The following TLK1 variants were observed in gnomAD, a reference collection of about 807,000 sequenced individuals.
The protein encoded by TLK1 is tousled like kinase 1, also known as serine/threonine-protein kinase tousled-like 1.
TLK1 carries 24 observed loss-of-function variants against 105.3 expected under a neutral mutation model. The observed-to-expected ratio is 0.23, with a 90% CI of 0.17 to 0.32. TLK1 has a LOEUF of 0.32. Ranked by LOEUF, TLK1 falls within the 10% of genes least tolerant of loss-of-function variation. The probability of loss-of-function intolerance (pLI) is 1.00; values close to 1 mark genes in which losing one functional copy is unlikely to be tolerated. For missense variants in TLK1, 558 were observed against 910.5 expected, an observed-to-expected ratio of 0.61 and a Z score of 4.98; for synonymous variants, 321 against 310.4, an observed-to-expected ratio of 1.03 and a Z score of -0.36.
chr2:171,053,697 G>C, intron 8 of TLK1, 64 bp downstream of exon 8: 1 of 1,298,462 alleles, frequency 7.7e-7, no homozygotes. Context: ...AGTATTTTCT[G>C]AACAGTTTGA....
intron 12 of TLK1, among the ~76,000 whole-genome samples, chr2:171,022,265 A>G (rs766008313): frequency 6.6e-5 from 10 of 152,188 alleles, no homozygotes; most frequent in Non-Finnish European, 2.9e-5. Context: ...TGAGTAAGAG[A>G]TAAGAACGTA....
intron 10 of TLK1, among the ~76,000 whole-genome samples, chr2:171,046,675 G>A (rs968498026): frequency 2.0e-5 from 3 of 151,934 alleles, no homozygotes; most frequent in Non-Finnish European, 4.4e-5. Flanking sequence ...GAAAGTGTCC[G>A]GTTAGATGAC....
intron 2 of TLK1, among the ~76,000 whole-genome samples, chr2:171,087,733 C>T (rs966385873): frequency 1.3e-5 from 2 of 152,112 alleles, no homozygotes; most frequent in African/African-American, 4.8e-5. Flanking sequence ...AGAAAGTACA[C>T]ATGAGAACAA....
intron 1 of TLK1, among the ~76,000 whole-genome samples, chr2:171,148,157 T>G (rs1416031002): frequency 6.6e-6 from 1 of 152,206 alleles, no homozygotes; most frequent in African/African-American, 2.4e-5. Flanking sequence ...CCCCAAGTGC[T>G]GCTATTACAG....
At chr2:171,161,090 C>T (rs1041778124), upstream of TLK1, among the ~76,000 whole-genome samples, 1 of 147,926 alleles carries the variant, frequency 6.8e-6, no homozygotes, top group African/African-American at 2.4e-5. Flanking sequence ...GACTAGAGCG[C>T]CGGGGCGCCC....
chr2:171,057,630 T>C (rs1687564780), intron 5 of TLK1, among the ~76,000 whole-genome samples: 1 of 152,076 alleles, frequency 6.6e-6, no homozygotes. Flanking sequence ...TAAACATAAA[T>C]ATTTTTCAAT....
At chr2:171,101,116 G>A (rs1218796509) in intron 2 of TLK1, among the ~76,000 whole-genome samples, 3 of 152,034 alleles carry the variant, frequency 2.0e-5, no homozygotes, top group African/African-American at 7.3e-5. Context: ...GGGAGGCCAA[G>A]GAGGGTGGAT....
intron 3 of TLK1, among the ~76,000 whole-genome samples, chr2:171,075,837 C>T (rs1688477177): frequency 6.6e-6 from 1 of 152,272 alleles, no homozygotes; most frequent in East Asian, 1.9e-4. Context: ...GTATAGACAG[C>T]AACTGTACAG....
chr2:171,023,374 C>T (rs1273928541), intron 12 of TLK1, among the ~76,000 whole-genome samples: 1 of 151,594 alleles, frequency 6.6e-6, no homozygotes, highest in African/African-American at 2.4e-5. Flanking sequence ...AAACTTCTGG[C>T]ACTTATATTC....
chr2:171,006,444 T>TA (rs148912074), intron 17 of TLK1, 30 bp downstream of exon 17: 12 of 1,545,680 alleles, frequency 7.8e-6, no homozygotes, highest in South Asian at 3.7e-5. Context: ...TACTCAAGTT[T>TA]AAAAAAAATT....
intron 1 of TLK1, among the ~76,000 whole-genome samples, chr2:171,139,731 C>G (rs1000086299): frequency 6.8e-6 from 1 of 147,280 alleles, no homozygotes; most frequent in African/African-American, 2.5e-5. Context: ...CCTATTCAAA[C>G]TCTGTATATA....
intron 2 of TLK1, among the ~76,000 whole-genome samples, chr2:171,108,979 T>C (rs1690049659): frequency 6.6e-6 from 1 of 152,062 alleles, no homozygotes; most frequent in African/African-American, 2.4e-5. Flanking sequence ...AAGCTAAAAT[T>C]AACAGTAAGT....
Position 170,991,195 on chromosome 2 carries a change from C to T in TLK1, c.*2585G>A, listed in dbSNP as rs1404717475. 1 of 152,158 alleles carries T rather than the reference C, an allele frequency of 6.6e-6. No individual in the cohort carries two copies. Among genetic ancestry groups the T allele is most frequent in the Non-Finnish European group, 1.5e-5 (1 of 68,026 alleles). The allele number at this position is 152,158 out of a possible 1,614,324, so 9.4% of individuals were successfully genotyped here. A position where few individuals can be genotyped will look rare whatever the true frequency, so the allele number is the denominator to read the frequency against. ...TGATTTTACCCTACATCAGTGCTGACTCTTAATAAAAGAGAGGCCTTGGCT... is the reference window on the plus strand; with the variant it reads ...TGATTTTACCCTACATCAGTGCTGATTCTTAATAAAAGAGAGGCCTTGGCT... On this transcript the variant is annotated 3_prime_UTR_variant, in exon 21 of 21. Coordinates refer to ENST00000431350, the MANE Select transcript of TLK1 (RefSeq NM_012290.5).
At chr2:171,221,015 G>C (rs28695385) in intron 1 of TLK1, among the ~76,000 whole-genome samples, 4 of 152,100 alleles carry the variant, frequency 2.6e-5, no homozygotes, top group Admixed American at 2.6e-4. Flanking sequence ...GTGAGTCCCT[G>C]TCTCTACAAA....
At chr2:171,012,430 C>T (rs1684961491) in intron 13 of TLK1, among the ~76,000 whole-genome samples, 1 of 151,804 alleles carries the variant, frequency 6.6e-6, no homozygotes, top group East Asian at 1.9e-4. Context: ...AAAATGTACA[C>T]TTTCAAAAAA....
chr2:171,049,826 T>C lies in TLK1; in HGVS notation c.968A>G (p.Gln323Arg). Residue 323 changes from glutamine to arginine, a missense_variant, in exon 10 of 21, where the codon CAG becomes CGG. Around this residue, in one of 5 missense-constraint regions of TLK1, gnomAD observed 196 missense variants for 239.3 expected, o/e 0.82. Transcript: ENST00000431350. ...TEQWTDGFAF[Q>R]NLVKQQEWVN... ...AAGAATGACTAACTTCACAAGATTC[T>C]GAAATGCAAAACCATCTGTCCATTG... 1.2e-6 allele frequency: 2 copies of C among 1,613,826 alleles called. No individual in the cohort carries two copies. Among genetic ancestry groups the C allele is most frequent in the Non-Finnish European group, 1.7e-6 (2 of 1,179,882 alleles).
At chr2:171,129,636 C>T (rs568217689) in intron 1 of TLK1, among the ~76,000 whole-genome samples, 24 of 152,018 alleles carry the variant, frequency 1.6e-4, no homozygotes, top group Non-Finnish European at 2.4e-4. Context: ...CCCAGGAGTT[C>T]GAGACCAGCC....
rs1009252798 is a variant in TLK1, at chr2:170,992,703, G to A, written c.*1077C>T. ...CTGTCTGCTTTTTAATATCTATGAT[G>A]TACAGTCAACTTGCACCTTCTAGGT... On this transcript the variant is annotated 3_prime_UTR_variant, in exon 21 of 21. Transcript: ENST00000431350. 6.6e-6 allele frequency: 1 copy of A among 152,508 alleles called. No homozygotes were observed. Among genetic ancestry groups the A allele is most frequent in the African/African-American group, 2.4e-5 (1 of 41,392 alleles). 9.4% of individuals were successfully genotyped at this position (152,508 alleles called of 1,614,324 possible).
At chr2:171,022,976 G>C in intron 12 of TLK1, 1 of 442,390 alleles carries the variant, frequency 2.3e-6, no homozygotes, top group South Asian at 1.7e-5. Flanking sequence ...AGTGAGAAAA[G>C]AGCTGTGTAC....
Sources: allele counts gnomAD v4.1 joint callset (sites outside exome capture counted in the v4.1 genomes callset), GRCh38; gene constraint gnomAD v4.1.1; regional missense constraint gnomAD v4.1.1; transcripts MANE v1.5; gene names NCBI Gene and HGNC (gene_info 2026-07-23, HGNC 2026-07-21).